Variants in LGI1 observed in about 807,000 individuals in gnomAD.
LGI1 encodes leucine rich glioma inactivated 1, also known as leucine-rich glioma-inactivated protein 1.
Under a neutral mutation model 57.7 loss-of-function variants are expected in LGI1, and 11 were observed. The observed-to-expected ratio is 0.19, with a 90% CI of 0.12 to 0.32. LGI1 has a LOEUF of 0.32. Ranked by LOEUF, LGI1 falls within the 10% of genes least tolerant of loss-of-function variation. The pLI is 1.00. For synonymous variants in LGI1, 222 were observed against 241.9 expected (o/e 0.92, Z 0.76); for missense variants, 422 against 661.9 (o/e 0.64, Z 3.98).
At chr10:93,793,752 TATAAA>T (rs1478884263) in intron 7 of LGI1, 1 of 164,952 alleles carries the variant, frequency 6.1e-6, no homozygotes, top group African/African-American at 2.4e-5. Context: ...TTTTCTTAAC[TATAAA>T]ATAAGAAGGT....
chr10:93,769,603 A>G (rs2059714305), intron 2 of LGI1: 1 of 152,228 alleles, frequency 6.6e-6, no homozygotes, highest in Non-Finnish European at 1.5e-5. Flanking sequence ...AAAATCATCC[A>G]GGAAGTCTTT....
chr10:93,774,910 T>C (rs1203903027), intron 2 of LGI1, among the ~76,000 whole-genome samples: 2 of 152,208 alleles, frequency 1.3e-5, no homozygotes, highest in Non-Finnish European at 2.9e-5. Flanking sequence ...TTTTTAAGTA[T>C]ACGTAGGATA....
intron 2 of LGI1, chr10:93,776,082 A>G (rs1242307952): frequency 6.6e-6 from 1 of 152,148 alleles, no homozygotes; most frequent in African/African-American, 2.4e-5. Flanking sequence ...GAATTCTAAC[A>G]TGTGTCACTG....
At chr10:93,783,053 C>T (rs1472047076) in intron 4 of LGI1, 1 of 152,248 alleles carries the variant, frequency 6.6e-6, no homozygotes, top group African/African-American at 2.4e-5. Context: ...GGTAACTAGA[C>T]ATTCAGCTGC....
Position 93,797,342 on chromosome 10 carries a change from T to G in LGI1, c.1213T>G (p.Ser405Ala). The stretch of plus-strand genomic sequence containing the variant: ...GCCTCATTTAATTCTGTCTAGTAGT[T>G]CCCAGCGTCCTGTAATTTATCAGTG... ...RTPHLILSSS[S>A]QRPVIYQWNK... The change falls in exon 8 of 8, where the codon TCC (serine) becomes GCC (alanine). Residue 405 changes from serine to alanine, a missense_variant. Physicochemically the swap from Ser to Ala is moderately conservative, Grantham distance 99 (BLOSUM62 1). Coordinates refer to ENST00000371418, the MANE Select transcript of LGI1 (RefSeq NM_005097.4). This position sits in a 1 kb window ranked among gnomAD's most constrained non-coding sequence, Gnocchi z 6.5. The G allele has an allele frequency of 1.2e-6, 2 of 1,614,188 alleles. No individual in the cohort carries two copies. The highest frequency in any genetic ancestry group is 1.7e-6 in the Non-Finnish European group (2 of 1,180,022).
chr10:93,772,936 CA>C (rs1564843177), intron 2 of LGI1: 1 of 151,862 alleles, frequency 6.6e-6, no homozygotes, highest in Non-Finnish European at 1.5e-5. Context: ...AAAAATTAGC[CA>C]GGCTTGGTGT....
chr10:93,777,225 C>A, intron 2 of LGI1, 154 bp from the exon 3 acceptor site: 2 of 717,560 alleles, frequency 2.8e-6, no homozygotes, highest in Non-Finnish European at 4.9e-6. Flanking sequence ...TAAAAAAATG[C>A]TGCATAGATT....
In LGI1 at chr10:93,777,359, T is replaced by C. The variant is rs769207197; in HGVS notation, c.288-20T>C. On this transcript the variant is annotated intron_variant, in intron 2 of 7. Coordinates refer to ENST00000371418, the MANE Select transcript of LGI1 (RefSeq NM_005097.4). The stretch of plus-strand genomic sequence containing the variant: ...AATCTGTCAGTTTCACCATTTTCAT[T>C]GTGTACTTTTTCTGGGCAGGTTATT... 1.2e-6 allele frequency: 2 copies of C among 1,609,620 alleles called. No homozygotes were observed. Among genetic ancestry groups the C allele is most frequent in the East Asian group, 2.2e-5 (1 of 44,854 alleles).
intron 2 of LGI1, among the ~76,000 whole-genome samples, chr10:93,775,589 A>G (rs2059787037): frequency 6.6e-6 from 1 of 152,224 alleles, no homozygotes; most frequent in Non-Finnish European, 1.5e-5. Flanking sequence ...AGTGTCCACT[A>G]GAGGACAGGC....
intron 4 of LGI1, among the ~76,000 whole-genome samples, chr10:93,778,331 A>G (rs2059811874): frequency 7.0e-6 from 1 of 142,480 alleles, no homozygotes; most frequent in Non-Finnish European, 1.5e-5. Flanking sequence ...CTCACCCTCT[A>G]CAGACAAACA....
At chr10:93,795,774 C>T (rs1334953247) in intron 7 of LGI1, among the ~76,000 whole-genome samples, 5 of 152,180 alleles carry the variant, frequency 3.3e-5, no homozygotes, top group African/African-American at 1.2e-4. Flanking sequence ...AATCTGGTGG[C>T]CATCCTTAAT....
chr10:93,797,079 A>C lies in LGI1; in HGVS notation c.950A>C (p.Lys317Thr). The change falls in exon 8 of 8, where the codon AAA becomes ACA. Residue 317 changes from lysine to threonine, a missense_variant. Transcript: ENST00000371418. This position sits in a 1 kb window ranked among gnomAD's most constrained non-coding sequence, Gnocchi z 6.5. ...HIYKRDSFAN[K>T]FIKIQDIEIL... The stretch of plus-strand genomic sequence containing the variant: ...TATAAGCGAGACAGTTTTGCAAATA[A>C]ATTCATAAAAATCCAGGATATTGAA... The C allele has an allele frequency of 1.2e-6, 2 of 1,613,184 alleles. No homozygotes were observed. Among genetic ancestry groups the C allele is most frequent in the Non-Finnish European group, 1.7e-6 (2 of 1,179,482 alleles).
At position 93,757,999 on chromosome 10, in the gene LGI1, T is replaced by C; in HGVS notation, c.-146T>C. ...GCTGGAGCGAGGAGAAGCTCACGAA[T>C]CAGCTGCAGGTCTCTGTTTTGAAAA... is the stretch of plus-strand genomic sequence containing the variant. On this transcript the variant is annotated 5_prime_UTR_variant, in exon 1 of 8. Coordinates refer to ENST00000371418, the MANE Select transcript of LGI1 (RefSeq NM_005097.4). 1.4e-6 allele frequency: 1 copy of C among 738,114 alleles called. No individual in the cohort carries two copies. The highest frequency in any genetic ancestry group is 2.7e-5 in the East Asian group (1 of 37,258). The allele number at this position is 738,114 out of a possible 1,614,324, so 45.7% of individuals were successfully genotyped here. A position where few individuals can be genotyped will look rare whatever the true frequency, so the allele number is the denominator to read the frequency against.
rs925823799 is a variant in LGI1, at chr10:93,798,073, A to G, written c.*270A>G. 2 of 479,942 alleles carry G rather than the reference A, an allele frequency of 4.2e-6. No homozygotes were observed. Among genetic ancestry groups the G allele is most frequent in the Non-Finnish European group, 7.5e-6 (2 of 268,254 alleles). The allele number at this position is 479,942 out of a possible 1,614,324, so 29.7% of individuals were successfully genotyped here. A position where few individuals can be genotyped will look rare whatever the true frequency, so the allele number is the denominator to read the frequency against. ...CGTTTAATGGTATCTGTTACTCCAA[A>G]AAGAAATATTAATATGTACTTTTCC... On this transcript the variant is annotated 3_prime_UTR_variant, in exon 8 of 8. Transcript: ENST00000371418.
At chr10:93,773,093 A>C (rs570115308) in intron 2 of LGI1, among the ~76,000 whole-genome samples, 9 of 152,172 alleles carry the variant, frequency 5.9e-5, no homozygotes, top group Admixed American at 2.0e-4. Flanking sequence ...AAGAAACAAA[A>C]AAAAAAAAAC....
In LGI1 at chr10:93,797,155, C is replaced by T; in HGVS notation, c.1026C>T (p.Asn342=). The T allele has an allele frequency of 6.2e-7, 1 of 1,614,126 alleles. No homozygotes were observed. The change falls in exon 8 of 8, where the codon AAC becomes AAT. Residue 342 remains asparagine, a synonymous_variant. Transcript: ENST00000371418. The surrounding 1 kb of genome is among the most constrained non-coding windows in gnomAD (Gnocchi z 6.5). ...ACATTGAAACATTCAAGATTGAAAA[C>T]AACTGGTACTTTGTTGTTGCTGACA... ...PNDIETFKIE[N]NWYFVVADSS... is the part of the protein sequence containing the mutation.
At chr10:93,791,619 C>T (rs1001045024) in intron 5 of LGI1, 1 of 152,166 alleles carries the variant, frequency 6.6e-6, no homozygotes, top group South Asian at 2.1e-4. Flanking sequence ...AATGTTTGGG[C>T]GTTTAAAAAT....
chr10:93,789,160 G>A (rs771483254), intron 4 of LGI1: 4 of 118,896 alleles, frequency 3.4e-5, no homozygotes, highest in Non-Finnish European at 7.5e-5. Context: ...GAAAGGGAAA[G>A]GGAAAAACAT....
rs547505793 is a variant in LGI1, at chr10:93,789,859, G to A, written c.432-240G>A. ...TTCACTCCAGCCTGGGTGACAGAGC[G>A]AGACTTTTGTCTCAAGAAATAAAAG... On this transcript the variant is annotated intron_variant, in intron 4 of 7. Transcript: ENST00000371418. The A allele has an allele frequency of 3.1e-5, 15 of 485,106 alleles. No homozygotes were observed. The East Asian group carries it at 3.1e-4, about 10-fold the overall frequency. 30.1% of individuals were successfully genotyped at this position (485,106 alleles called of 1,614,324 possible).
Sources: allele counts gnomAD v4.1 joint callset (sites outside exome capture counted in the v4.1 genomes callset), GRCh38; gene constraint gnomAD v4.1.1; non-coding constraint Gnocchi (gnomAD v3.1); transcripts MANE v1.5; gene names NCBI Gene and HGNC (gene_info 2026-07-23, HGNC 2026-07-21).